Variants in IL1RAPL1 observed in about 807,000 individuals in gnomAD.
IL1RAPL1 encodes interleukin 1 receptor accessory protein like 1.
A neutral mutation model predicts 48.4 loss-of-function variants in IL1RAPL1; 3 were observed. That is an observed-to-expected ratio of 0.06 (90% CI 0.03 to 0.16). IL1RAPL1 has a LOEUF of 0.16. Ranked by LOEUF, IL1RAPL1 falls within the 10% of genes least tolerant of loss-of-function variation. The pLI is 1.00. For synonymous variants in IL1RAPL1, 185 were observed against 187.7 expected, an observed-to-expected ratio of 0.99 and a Z score of 0.12; for missense variants, 349 against 530.6, an observed-to-expected ratio of 0.66 and a Z score of 3.36.
intron 2 of IL1RAPL1, among the ~76,000 whole-genome samples, chrX:29,279,525 A>C (rs1438367474): frequency 1.8e-5 from 2 of 111,733 alleles, no homozygotes; most frequent in African/African-American, 3.3e-5. Context: ...GGAATTATTG[A>C]ACCATTTTAA....
intron 5 of IL1RAPL1, among the ~76,000 whole-genome samples, chrX:29,562,103 ATCTATCTATCTAATCTATCTATCTATCT>A (rs1569339324): frequency 1.1e-5 from 1 of 88,285 alleles, no homozygotes; most frequent in Non-Finnish European, 2.0e-5. Context: ...CTATCTATCT[ATCTATCTATCTAATCTATCTATCTATCT>A]ATCTATCTAT....
At chrX:29,894,043 A>G (rs1932326057) in intron 6 of IL1RAPL1, among the ~76,000 whole-genome samples, 1 of 112,356 alleles carries the variant, frequency 8.9e-6, no homozygotes, top group Admixed American at 9.5e-5. Flanking sequence ...ATAATTTTTC[A>G]TTCATGCTCG....
chrX:29,324,677 TTCTA>T, intron 3 of IL1RAPL1, among the ~76,000 whole-genome samples: 1 of 111,708 alleles, frequency 9.0e-6, no homozygotes, highest in East Asian at 2.8e-4. Context: ...CATTTCTGAT[TTCTA>T]TGACCAGTTT....
Position 29,575,752 on chromosome X carries a change from G to A in IL1RAPL1, c.704-92678G>A, listed in dbSNP as rs150044113. Among the ~76,000 whole-genome samples, 286 of 112,304 alleles carry A rather than the reference G, an allele frequency of 2.5e-3. 2 individuals are homozygous for A. Among genetic ancestry groups the A allele is most frequent in the African/African-American group, 5.6e-3 (174 of 30,954 alleles). On this transcript the variant is annotated intron_variant, in intron 5 of 10. Coordinates refer to ENST00000378993, the MANE Select transcript of IL1RAPL1 (RefSeq NM_014271.4). ...TGTCAGTGGTGTTGTCCTGAATGAC[G>A]TTGGCCTGTACCTGTTAGGGTGATA...
chrX:29,139,034 G>C (rs1929192051), intron 2 of IL1RAPL1, among the ~76,000 whole-genome samples: 1 of 111,533 alleles, frequency 9.0e-6, no homozygotes, highest in South Asian at 3.7e-4. Flanking sequence ...TAAAGAAACT[G>C]TGGGAAAAGT....
At chrX:29,932,687 A>G (rs1414361231) in intron 8 of IL1RAPL1, among the ~76,000 whole-genome samples, 1 of 111,901 alleles carries the variant, frequency 8.9e-6, no homozygotes, top group African/African-American at 3.2e-5. Flanking sequence ...TCTGGCTTAT[A>G]ATTGTGATAC....
At chrX:29,296,796 G>C (rs759507103) in intron 3 of IL1RAPL1, among the ~76,000 whole-genome samples, 7 of 111,327 alleles carry the variant, frequency 6.3e-5, no homozygotes, top group African/African-American at 2.3e-4. Context: ...GGAAATAATA[G>C]CCAGACAACT....
intron 1 of IL1RAPL1, among the ~76,000 whole-genome samples, chrX:28,762,803 CACACACACACACACACACACAG>C (rs955269176): frequency 7.2e-5 from 5 of 69,528 alleles, no homozygotes; most frequent in African/African-American, 2.5e-4. Context: ...CACACACACA[CACACACACACACACACACACAG>C]AGAGAGAGAG....
At chrX:28,598,450 G>A (rs904112352) in intron 1 of IL1RAPL1, among the ~76,000 whole-genome samples, 14 of 110,721 alleles carry the variant, frequency 1.3e-4, no homozygotes, top group African/African-American at 4.3e-4. Context: ...ATAGCCAAAC[G>A]TTGAAGACAA....
At chrX:29,108,317 A>G (rs1928489297) in intron 2 of IL1RAPL1, among the ~76,000 whole-genome samples, 1 of 111,341 alleles carries the variant, frequency 9.0e-6, no homozygotes, top group South Asian at 3.7e-4. Context: ...AATATGCACC[A>G]ATTTATATGT....
chrX:28,919,032 T>C (rs961075785), intron 2 of IL1RAPL1, among the ~76,000 whole-genome samples: 2 of 111,684 alleles, frequency 1.8e-5, no homozygotes, highest in African/African-American at 6.5e-5. Flanking sequence ...AAGGCTGTTC[T>C]TGCTGAAGCC....
At chrX:28,965,701 A>C (rs1924902456) in intron 2 of IL1RAPL1, among the ~76,000 whole-genome samples, 1 of 111,742 alleles carries the variant, frequency 8.9e-6, no homozygotes, top group African/African-American at 3.2e-5. Flanking sequence ...CAGGGATACA[A>C]GTACTAATGT....
At position 29,730,142 on chromosome X, in the gene IL1RAPL1, A is replaced by T. The variant is rs1203368400; in HGVS notation, c.778+61638A>T. Among the ~76,000 whole-genome samples, 5 of 111,903 alleles carry T rather than the reference A, an allele frequency of 4.5e-5. No individual in the cohort carries two copies. In the Admixed American group the frequency reaches 4.8e-4, roughly 11 times the overall value. On this transcript the variant is annotated intron_variant, in intron 6 of 10. Transcript: ENST00000378993. ...GCTGGCAGTCATAATTTTGAACCCT[A>T]TCCCCATTGGGCCAAACCTATCACA...
intron 6 of IL1RAPL1, among the ~76,000 whole-genome samples, chrX:29,833,755 CTCA>C (rs1324653680): frequency 2.7e-5 from 3 of 111,871 alleles, no homozygotes; most frequent in Non-Finnish European, 5.6e-5. Flanking sequence ...TGTTTTCAAT[CTCA>C]TCAGGAAAAA....
intron 2 of IL1RAPL1, among the ~76,000 whole-genome samples, chrX:28,947,458 T>A (rs1924336149): frequency 9.0e-6 from 1 of 111,140 alleles, no homozygotes; most frequent in Non-Finnish European, 1.9e-5. Flanking sequence ...AAAAACTTAC[T>A]GTTTAGCCAC....
At chrX:29,570,446 A>G (rs1201140593) in intron 5 of IL1RAPL1, among the ~76,000 whole-genome samples, 4 of 112,675 alleles carry the variant, frequency 3.6e-5, no homozygotes, top group African/African-American at 1.3e-4. Context: ...CTGCTCTGAT[A>G]TCACGCATTT....
At position 29,559,164 on chromosome X, in the gene IL1RAPL1, G is replaced by A. The variant is rs181380059; in HGVS notation, c.704-109266G>A. ...ATGGAATATCTTTCCACTTATTTGC[G>A]TCCCTGGAATAGATCCAACTCAGTC... On this transcript the variant is annotated intron_variant, in intron 5 of 10. Coordinates refer to ENST00000378993, the MANE Select transcript of IL1RAPL1 (RefSeq NM_014271.4). 2.0e-3 allele frequency among the ~76,000 whole-genome samples: 220 copies of A among 111,514 alleles called. 2 individuals are homozygous for A. Among genetic ancestry groups the A allele is most frequent in the Admixed American group, 0.018 (193 of 10,509 alleles).
At chrX:29,788,686 T>C (rs1929559691) in intron 6 of IL1RAPL1, among the ~76,000 whole-genome samples, 1 of 112,218 alleles carries the variant, frequency 8.9e-6, no homozygotes, top group Non-Finnish European at 1.9e-5. Context: ...TTTGAAAATA[T>C]ACATTCAATT....
intron 6 of IL1RAPL1, among the ~76,000 whole-genome samples, chrX:29,859,563 T>C (rs920730450): frequency 8.9e-6 from 1 of 112,297 alleles, no homozygotes; most frequent in African/African-American, 3.2e-5. Flanking sequence ...TGTGATAGCA[T>C]GAATTATTTT....
Sources: allele counts gnomAD v4.1 joint callset (sites outside exome capture counted in the v4.1 genomes callset), GRCh38; gene constraint gnomAD v4.1.1; transcripts MANE v1.5; gene names NCBI Gene and HGNC (gene_info 2026-07-23, HGNC 2026-07-21).